The following TADA2A variants were observed in gnomAD, a reference collection of about 807,000 sequenced individuals.
The protein encoded by TADA2A is transcriptional adaptor 2A.
TADA2A carries 38 observed loss-of-function variants against 67.4 expected under a neutral mutation model. The observed-to-expected ratio is 0.56, with a 90% CI of 0.44 to 0.74. The LOEUF (loss-of-function observed/expected upper bound fraction) is 0.74. TADA2A is among the 30% of genes least tolerant of loss of function. TADA2A has a pLI of 0.00. For synonymous variants in TADA2A, 192 were observed against 181.6 expected (o/e 1.06, Z -0.46); for missense variants, 454 against 547.0 (o/e 0.83, Z 1.70).
At chr17:37,424,590 A>G (rs889663355) in intron 3 of TADA2A, among the ~76,000 whole-genome samples, 5 of 148,448 alleles carry the variant, frequency 3.4e-5, no homozygotes, top group African/African-American at 1.0e-4. Context: ...GAGTTTCGCT[A>G]TTGTTTTCCA....
Position 37,478,467 on chromosome 17 carries a change from A to G in TADA2A, c.*1485A>G, listed in dbSNP as rs1337403159. 2 of 152,102 alleles carry G rather than the reference A, an allele frequency of 1.3e-5. No homozygotes were observed. Among genetic ancestry groups the G allele is most frequent in the Non-Finnish European group, 2.9e-5 (2 of 68,034 alleles). The allele number at this position is 152,102 out of a possible 1,614,324, so 9.4% of individuals were successfully genotyped here. Reference sequence around the variant, plus strand: ...TTGCTTGGATTGTGACTTGAACCCTATTTCTCAATGGTGAAAGGCTAGCCT... The same window carrying G: ...TTGCTTGGATTGTGACTTGAACCCTGTTTCTCAATGGTGAAAGGCTAGCCT... On this transcript the variant is annotated 3_prime_UTR_variant, in exon 16 of 16. Coordinates refer to ENST00000615182, the MANE Select transcript of TADA2A (RefSeq NM_001166105.3).
Position 37,477,096 on chromosome 17 carries a change from A to C in TADA2A, c.*114A>C. The C allele has an allele frequency of 1.8e-6, 2 of 1,120,812 alleles. No individual in the cohort carries two copies. The highest frequency in any genetic ancestry group is 2.5e-6 in the Non-Finnish European group (2 of 792,192). 69.4% of individuals were successfully genotyped at this position (1,120,812 alleles called of 1,614,324 possible). Reference sequence around the variant, plus strand: ...TCAGCTGAATTCTCATGGTGAAAACAGGGGAAAGGACAAAGGAAACCTTAA... The same window carrying C: ...TCAGCTGAATTCTCATGGTGAAAACCGGGGAAAGGACAAAGGAAACCTTAA... On this transcript the variant is annotated 3_prime_UTR_variant, in exon 16 of 16. Transcript: ENST00000615182.
At chr17:37,419,675 G>A (rs971252896) in intron 2 of TADA2A, among the ~76,000 whole-genome samples, 2 of 144,946 alleles carry the variant, frequency 1.4e-5, no homozygotes, top group Admixed American at 7.0e-5. Context: ...CTACTTGGGA[G>A]GCTGAGGCAT....
chr17:37,473,818 T>C (rs113788745), intron 14 of TADA2A, among the ~76,000 whole-genome samples: 1,792 of 152,318 alleles, frequency 0.012, 11 homozygotes, highest in South Asian at 0.022. Flanking sequence ...AGGGCTACTT[T>C]GGAAGGAACA....
At chr17:37,434,756 A>G (rs527239143) in intron 4 of TADA2A, among the ~76,000 whole-genome samples, 104 of 152,338 alleles carry the variant, frequency 6.8e-4, no homozygotes, top group Middle Eastern at 3.4e-3. Context: ...AACAGAAAAG[A>G]TGATTACTTC....
intron 3 of TADA2A, 58 bp from the exon 4 acceptor site, chr17:37,426,892 A>G (rs778950874): frequency 3.7e-5 from 55 of 1,492,994 alleles, no homozygotes; most frequent in African/African-American, 5.7e-5. Flanking sequence ...AATAACACAA[A>G]CCTCCTCTGT....
Position 37,478,478 on chromosome 17 carries a change from G to A in TADA2A, c.*1496G>A, listed in dbSNP as rs2053932182. 1 of 152,126 alleles carries A rather than the reference G, an allele frequency of 6.6e-6. No individual in the cohort carries two copies. Among genetic ancestry groups the A allele is most frequent in the South Asian group, 2.1e-4 (1 of 4,830 alleles). The allele number at this position is 152,126 out of a possible 1,614,324, so 9.4% of individuals were successfully genotyped here. On this transcript the variant is annotated 3_prime_UTR_variant, in exon 16 of 16. Transcript: ENST00000615182. ...GTGACTTGAACCCTATTTCTCAATG[G>A]TGAAAGGCTAGCCTGCAATAAAAGC...
At chr17:37,462,784 T>A (rs1023291809) in intron 10 of TADA2A, among the ~76,000 whole-genome samples, 1 of 152,246 alleles carries the variant, frequency 6.6e-6, no homozygotes, top group Non-Finnish European at 1.5e-5. Context: ...TGCAACTATG[T>A]GTTAAGCATA....
At position 37,444,732 on chromosome 17, in the gene TADA2A, A is replaced by G; in HGVS notation, c.568A>G (p.Ile190Val). The stretch of plus-strand genomic sequence containing the variant: ...TTATGCAGAATGGGACTTGAGAGAC[A>G]TTGATTTTGTTGAAGATGACTCGGA... ...DNYAEWDLRDIDFVEDDSDIL... is the reference protein window; with the variant it reads ...DNYAEWDLRDVDFVEDDSDIL... Residue 190 changes from isoleucine (I) to valine (V), a missense_variant, in exon 8 of 16, where the codon ATT (isoleucine) becomes GTT (valine). By Grantham distance (29) the Ile-to-Val change is conservative (BLOSUM62 3). This residue lies in a region of TADA2A where 403 missense variants were observed against 455.5 expected (regional missense o/e 0.88). Transcript: ENST00000615182. 3.7e-6 allele frequency: 6 copies of G among 1,614,160 alleles called. 1 individual carries two copies. The South Asian group carries it at 4.4e-5, about 12-fold the overall frequency.
intron 3 of TADA2A, 87 bp from the exon 4 acceptor site, chr17:37,426,863 A>G (rs1240494915): frequency 1.5e-6 from 2 of 1,342,626 alleles, no homozygotes; most frequent in African/African-American, 3.0e-5. Flanking sequence ...AAATTTTAAA[A>G]ACCCAAACTT....
At chr17:37,442,198 CTTTTTTTTTT>C (rs760306260) in intron 6 of TADA2A, among the ~76,000 whole-genome samples, 1 of 75,412 alleles carries the variant, frequency 1.3e-5, no homozygotes, top group South Asian at 4.3e-4. Flanking sequence ...TTTTTCCCGT[CTTTTTTTTTT>C]TTTTTTTTTT....
intron 8 of TADA2A, among the ~76,000 whole-genome samples, chr17:37,456,723 AT>A (rs2148011147): frequency 6.6e-6 from 1 of 152,322 alleles, no homozygotes; most frequent in African/African-American, 2.4e-5. Flanking sequence ...TAAAATAGAT[AT>A]CGAGTTTGAA....
At chr17:37,468,912 T>A (rs1214826301) in intron 12 of TADA2A, among the ~76,000 whole-genome samples, 1 of 152,012 alleles carries the variant, frequency 6.6e-6, no homozygotes, top group Non-Finnish European at 1.5e-5. Flanking sequence ...CTTTTTTTTT[T>A]TTATTTGAGA....
At position 37,442,602 on chromosome 17, in the gene TADA2A, C is replaced by T. The variant is rs1247415777; in HGVS notation, c.481C>T (p.Leu161Phe). 6.2e-7 allele frequency: 1 copy of T among 1,613,930 alleles called. No homozygotes were observed. The highest frequency in any genetic ancestry group is 8.5e-7 in the Non-Finnish European group (1 of 1,179,968). Residue 161 changes from leucine to phenylalanine, a missense_variant, in exon 7 of 16, where the codon CTT becomes TTT. Physicochemically the swap from Leu to Phe is conservative, Grantham distance 22. This residue lies in a region of TADA2A where 403 missense variants were observed against 455.5 expected (regional missense o/e 0.88). Coordinates refer to ENST00000615182, the MANE Select transcript of TADA2A (RefSeq NM_001166105.3). Reference protein sequence around the residue: ...DPPRPTFDSLLSRDMAGYMPA... With the variant: ...DPPRPTFDSLFSRDMAGYMPA... ...TCCCCGACCTACCTTTGACTCCTTG[C>T]TTTCTCGGGACATGGCCGGGTACAT...
chr17:37,467,363 A>G (rs1445542181), intron 11 of TADA2A, 91 bp from the exon 12 acceptor site: 3 of 1,001,758 alleles, frequency 3.0e-6, no homozygotes, highest in Non-Finnish European at 4.6e-6. Flanking sequence ...CTTATAAGGC[A>G]GAATTAATGA....
At chr17:37,411,725 C>A (rs181609258) in intron 2 of TADA2A, among the ~76,000 whole-genome samples, 2 of 151,882 alleles carry the variant, frequency 1.3e-5, no homozygotes, top group South Asian at 4.2e-4. Context: ...CCACCACTCC[C>A]GGCCTTCAGG....
chr17:37,411,424 A>G, intron 2 of TADA2A, 34 bp downstream of exon 2: 2 of 1,594,272 alleles, frequency 1.3e-6, no homozygotes, highest in Non-Finnish European at 1.7e-6. Context: ...CAGGTGACTT[A>G]TTATTATTTT....
At chr17:37,440,721 T>TAGC in intron 6 of TADA2A, 59 bp downstream of exon 6, 1 of 1,588,402 alleles carries the variant, frequency 6.3e-7, no homozygotes, top group Non-Finnish European at 8.6e-7. Flanking sequence ...CCTGTTTCAG[T>TAGC]AGCAGATAAA....
chr17:37,407,099 C>T (rs1429972832), intron 1 of TADA2A, 150 bp downstream of exon 1: 1 of 128,220 alleles, frequency 7.8e-6, no homozygotes, highest in African/African-American at 2.9e-5. Flanking sequence ...ACGCGGCAGG[C>T]TGGCGGGCCG....
Sources: allele counts gnomAD v4.1 joint callset (sites outside exome capture counted in the v4.1 genomes callset), GRCh38; gene constraint gnomAD v4.1.1; regional missense constraint gnomAD v4.1.1; transcripts MANE v1.5; gene names NCBI Gene and HGNC (gene_info 2026-07-23, HGNC 2026-07-21).